The following SMAD6 variants were observed in gnomAD, a reference collection of about 807,000 sequenced individuals.
SMAD6 encodes the protein MAD homolog 6.
A neutral mutation model predicts 39.4 loss-of-function variants in SMAD6; 103 were observed. The ratio of observed to expected loss-of-function variants is 2.62; its 90% CI spans 2.23 to 3.08. The LOEUF (loss-of-function observed/expected upper bound fraction) is 3.08, where lower values mean the gene tolerates loss of function less well. SMAD6 is among the 30% of genes most tolerant of loss of function. The pLI, the probability that SMAD6 is intolerant of heterozygous loss-of-function variation, is 0.00. For synonymous variants in SMAD6, 445 were observed against 353.3 expected (o/e 1.26, Z -2.91); for missense variants, 1,104 against 742.9 (o/e 1.49, Z -5.65).
intron 3 of SMAD6, among the ~76,000 whole-genome samples, chr15:66,727,717 T>C (rs969542478): frequency 6.6e-6 from 1 of 152,224 alleles, no homozygotes; most frequent in Non-Finnish European, 1.5e-5. Context: ...CACGGATGAC[T>C]GTGGGCTTAG....
At chr15:66,743,395 A>AT (rs1236317655) in intron 3 of SMAD6, among the ~76,000 whole-genome samples, 2 of 146,270 alleles carry the variant, frequency 1.4e-5, no homozygotes, top group Non-Finnish European at 3.1e-5. Context: ...CATCTGTAAA[A>AT]TGGGTACATA....
intron 2 of SMAD6, among the ~76,000 whole-genome samples, chr15:66,716,018 G>A (rs1348261562): frequency 4.6e-5 from 7 of 152,078 alleles, no homozygotes; most frequent in Non-Finnish European, 8.8e-5. Flanking sequence ...AAGGAAGGAA[G>A]CAAGAAGGAA....
intron 3 of SMAD6, 92 bp downstream of exon 3, chr15:66,716,590 C>G: frequency 1.1e-6 from 1 of 927,940 alleles, no homozygotes; most frequent in Non-Finnish European, 1.8e-6. Context: ...TTTTGACTTC[C>G]CCTCTTCTTT....
At chr15:66,707,320 C>A (rs1198730412) in intron 1 of SMAD6, 1 of 151,782 alleles carries the variant, frequency 6.6e-6, no homozygotes, top group Non-Finnish European at 1.5e-5. Flanking sequence ...TACTATTATC[C>A]AAATTGCGCC....
Position 66,703,739 on chromosome 15 carries a change from G to T in SMAD6, c.481G>T (p.Ala161Ser), listed in dbSNP as rs991473623. The change falls in exon 1 of 4, where the codon GCG becomes TCG. Residue 161 changes from alanine (A) to serine (S), a missense_variant. Physicochemically the swap from Ala to Ser is moderately conservative, Grantham distance 99. Coordinates refer to ENST00000288840, the MANE Select transcript of SMAD6 (RefSeq NM_005585.5). ...EPAGGGRSRE[A>S]RSRLLLLEQE... is the part of the protein sequence containing the mutation. Reference sequence around the variant, plus strand: ...GGCGGGCGGCGGGCGGAGTCGCGAAGCGCGCTCGCGGCTGCTGCTGCTGGA... The same window carrying T: ...GGCGGGCGGCGGGCGGAGTCGCGAATCGCGCTCGCGGCTGCTGCTGCTGGA... 8 of 1,375,786 alleles carry T rather than the reference G, an allele frequency of 5.8e-6. No individual in the cohort carries two copies. In the African/African-American group the frequency reaches 1.2e-4, roughly 21 times the overall value. The allele number at this position is 1,375,786 out of a possible 1,614,324, so 85.2% of individuals were successfully genotyped here.
At position 66,703,032 on chromosome 15, in the gene SMAD6, C is replaced by T. The variant is rs1028378964; in HGVS notation, c.-227C>T. On this transcript the variant is annotated 5_prime_UTR_variant, in exon 1 of 4. Transcript: ENST00000288840. ...CATGTAGCCGCTGGCCGCGCGCGGA[C>T]TGCGGCTCGGCGTGCGCGTGTTCCC... The T allele has an allele frequency of 5.2e-6, 2 of 387,128 alleles. No homozygotes were observed. Among genetic ancestry groups the T allele is most frequent in the African/African-American group, 4.2e-5 (2 of 47,786 alleles). 24.0% of individuals were successfully genotyped at this position (387,128 alleles called of 1,614,324 possible). A position where few individuals can be genotyped will look rare whatever the true frequency, so the allele number is the denominator to read the frequency against.
intron 2 of SMAD6, among the ~76,000 whole-genome samples, chr15:66,715,704 C>T (rs1007981325): frequency 5.3e-5 from 8 of 150,846 alleles, no homozygotes; most frequent in African/African-American, 1.7e-4. Flanking sequence ...TCTTTCTCAT[C>T]TAACTGCTCG....
chr15:66,715,388 T>C (rs895243796), intron 2 of SMAD6, among the ~76,000 whole-genome samples: 9 of 152,070 alleles, frequency 5.9e-5, no homozygotes, highest in Non-Finnish European at 1.5e-5. Context: ...CAAATGGAAT[T>C]CTAGCTAGTG....
intron 2 of SMAD6, among the ~76,000 whole-genome samples, chr15:66,715,737 T>G (rs998201700): frequency 7.1e-6 from 1 of 141,278 alleles, no homozygotes; most frequent in East Asian, 2.0e-4. Flanking sequence ...AAACCAATAA[T>G]GTACATATGA....
intron 3 of SMAD6, among the ~76,000 whole-genome samples, chr15:66,766,168 G>A (rs1269888247): frequency 2.0e-5 from 3 of 152,158 alleles, no homozygotes; most frequent in Non-Finnish European, 2.9e-5. Context: ...GCAGCCTGCA[G>A]GGCCATTTGT....
At chr15:66,748,709 C>T (rs1347998360) in intron 3 of SMAD6, among the ~76,000 whole-genome samples, 1 of 152,184 alleles carries the variant, frequency 6.6e-6, no homozygotes, top group Non-Finnish European at 1.5e-5. Context: ...ACTCTCCTGC[C>T]CTTCCCCAGG....
Position 66,740,266 on chromosome 15 carries a change from G to T in SMAD6, c.952+23768G>T, listed in dbSNP as rs143518518. 1.7e-3 allele frequency among the ~76,000 whole-genome samples: 254 copies of T among 152,304 alleles called. 1 individual carries two copies. The highest frequency in any genetic ancestry group is 5.8e-3 in the African/African-American group (243 of 41,558). ...CAGCATTATCCATTCCCCTCTTTGAGCTTCTGCAGCCCTGGGCATGAATTG... is the reference window on the plus strand; with the variant it reads ...CAGCATTATCCATTCCCCTCTTTGATCTTCTGCAGCCCTGGGCATGAATTG... On this transcript the variant is annotated intron_variant, in intron 3 of 3. Transcript: ENST00000288840.
At chr15:66,741,109 C>A (rs891802018) in intron 3 of SMAD6, 1 of 152,046 alleles carries the variant, frequency 6.6e-6, no homozygotes, top group African/African-American at 2.4e-5. Flanking sequence ...GGAAATAATT[C>A]GTGTTTAAAA....
At chr15:66,748,326 A>C (rs1273236245) in intron 3 of SMAD6, among the ~76,000 whole-genome samples, 1 of 152,138 alleles carries the variant, frequency 6.6e-6, no homozygotes, top group East Asian at 1.9e-4. Context: ...ATTGTGGAAA[A>C]TATAATGCTA....
At chr15:66,769,321 C>T (rs1344857490) in intron 3 of SMAD6, among the ~76,000 whole-genome samples, 4 of 152,150 alleles carry the variant, frequency 2.6e-5, no homozygotes, top group South Asian at 2.1e-4. Context: ...AGGGGCCCTG[C>T]GTTTTCATTT....
At chr15:66,722,048 T>A (rs988207384) in intron 3 of SMAD6, among the ~76,000 whole-genome samples, 1 of 152,196 alleles carries the variant, frequency 6.6e-6, no homozygotes, top group Non-Finnish European at 1.5e-5. Context: ...TTCGAGGGAC[T>A]GGGAAGCAAA....
intron 3 of SMAD6, among the ~76,000 whole-genome samples, chr15:66,722,981 A>G (rs765392830): frequency 3.9e-5 from 6 of 152,108 alleles, no homozygotes; most frequent in African/African-American, 1.2e-4. Context: ...GCTCAGCTGT[A>G]TATTGGGTCC....
chr15:66,735,500 A>G (rs1893697734), intron 3 of SMAD6, among the ~76,000 whole-genome samples: 1 of 152,232 alleles, frequency 6.6e-6, no homozygotes, highest in Non-Finnish European at 1.5e-5. Context: ...AAAAATCTTG[A>G]TAACTGTTGA....
At chr15:66,779,579 G>C (rs1894523343) in intron 3 of SMAD6, among the ~76,000 whole-genome samples, 1 of 152,216 alleles carries the variant, frequency 6.6e-6, no homozygotes, top group African/African-American at 2.4e-5. Flanking sequence ...GATGTCAGGG[G>C]CCCTGCCACC....
Sources: gnomAD v4.1 joint callset for allele counts (sites outside exome capture counted in the v4.1 genomes callset) on GRCh38, gnomAD v4.1.1 for gene constraint, MANE v1.5 for transcripts, NCBI Gene and HGNC (gene_info 2026-07-23, HGNC 2026-07-21) for gene names.